AMMECR1: variants seen among roughly 807,000 people sequenced by gnomAD.
AMMECR1 encodes nuclear protein AMMECR1.
AMMECR1 carries 3 observed loss-of-function variants against 22.5 expected under a neutral mutation model. That is an observed-to-expected ratio of 0.13 (90% confidence interval 0.06 to 0.35). The LOEUF is 0.35. AMMECR1 is among the 10% of genes least tolerant of loss of function. AMMECR1 has a pLI of 1.00. For synonymous variants in AMMECR1, 130 were observed against 116.7 expected (o/e 1.11, Z -0.74); for missense variants, 235 against 278.7 (o/e 0.84, Z 1.12).
chrX:110,380,240 G>A (rs1398760102), intron 2 of AMMECR1, among the ~76,000 whole-genome samples: 1 of 112,019 alleles, frequency 8.9e-6, no homozygotes, highest in Non-Finnish European at 1.9e-5. Context: ...AAAAGGATTA[G>A]AAACTTGAAC....
chrX:110,352,219 A>G (rs902486809), intron 2 of AMMECR1, among the ~76,000 whole-genome samples: 5 of 112,242 alleles, frequency 4.5e-5, no homozygotes, highest in African/African-American at 1.3e-4. Context: ...ATTCCTAGGC[A>G]TATACCCAAG....
intron 3 of AMMECR1, among the ~76,000 whole-genome samples, chrX:110,205,802 A>G (rs1452376253): frequency 1.8e-5 from 2 of 111,812 alleles, no homozygotes. Context: ...ATCAACCCCA[A>G]TGGTAGTAAA....
chrX:110,437,723 G>T (rs1165549485), intron 1 of AMMECR1, among the ~76,000 whole-genome samples: 3 of 111,491 alleles, frequency 2.7e-5, no homozygotes, highest in Non-Finnish European at 3.8e-5. Flanking sequence ...TGGGAAGGGG[G>T]TCTCAAAAGT....
chrX:110,296,896 C>G (rs1336356312), intron 1 of AMMECR1, among the ~76,000 whole-genome samples: 1 of 110,631 alleles, frequency 9.0e-6, no homozygotes, highest in East Asian at 2.8e-4. Context: ...GACTGCTTAC[C>G]TCCCTGAATT....
chrX:110,348,239 G>A (rs1244950492), intron 2 of AMMECR1, among the ~76,000 whole-genome samples: 1 of 111,705 alleles, frequency 9.0e-6, no homozygotes, highest in African/African-American at 3.3e-5. Flanking sequence ...GGCTTTTGTT[G>A]AACTTACTGA....
intron 2 of AMMECR1, among the ~76,000 whole-genome samples, chrX:110,235,393 T>G (rs750560683): frequency 1.6e-4 from 18 of 112,466 alleles, no homozygotes; most frequent in Non-Finnish European, 3.4e-4. Context: ...GGAGTATAAA[T>G]TGGTTCAACC....
At chrX:110,238,570 C>G (rs2067613895) in intron 2 of AMMECR1, among the ~76,000 whole-genome samples, 1 of 112,276 alleles carries the variant, frequency 8.9e-6, no homozygotes, top group Non-Finnish European at 1.9e-5. Context: ...AGATAAAAAT[C>G]CTATCTCCCT....
At chrX:110,370,472 G>T (rs957133422) in intron 2 of AMMECR1, among the ~76,000 whole-genome samples, 2 of 112,469 alleles carry the variant, frequency 1.8e-5, no homozygotes, top group Non-Finnish European at 3.8e-5. Flanking sequence ...GCCTCCCAAA[G>T]TGCTGGGATT....
chrX:110,230,009 G>A (rs1279805764), intron 2 of AMMECR1, among the ~76,000 whole-genome samples: 2 of 112,914 alleles, frequency 1.8e-5, no homozygotes, highest in Admixed American at 1.9e-4. Flanking sequence ...CAGGAAGCTC[G>A]AACTGGGCGG....
chrX:110,265,777 G>A (rs921628303), intron 1 of AMMECR1, among the ~76,000 whole-genome samples: 1 of 111,624 alleles, frequency 9.0e-6, no homozygotes, highest in African/African-American at 3.3e-5. Context: ...TAATACACTG[G>A]TGAGTTGGAG....
chrX:110,418,743 C>T (rs990554145), intron 2 of AMMECR1, among the ~76,000 whole-genome samples: 1 of 111,800 alleles, frequency 8.9e-6, no homozygotes, highest in Admixed American at 9.5e-5. Flanking sequence ...ACCTGATATT[C>T]CTGATCCTCC....
intron 1 of AMMECR1, among the ~76,000 whole-genome samples, chrX:110,313,413 CGCA>C (rs1193511118): frequency 8.9e-6 from 1 of 112,127 alleles, no homozygotes; most frequent in Non-Finnish European, 1.9e-5. Context: ...TAACGTGACA[CGCA>C]GCAGCATTAA....
At chrX:110,298,882 T>C (rs1245153479) in intron 1 of AMMECR1, among the ~76,000 whole-genome samples, 1 of 112,148 alleles carries the variant, frequency 8.9e-6, no homozygotes, top group East Asian at 2.8e-4. Context: ...TAAACATATA[T>C]AACACAATAC....
At chrX:110,367,973 AATTATTATTATTATTATTATTATT>A in intron 2 of AMMECR1, among the ~76,000 whole-genome samples, 1 of 85,326 alleles carries the variant, frequency 1.2e-5, no homozygotes, top group Admixed American at 1.4e-4. Context: ...AGTGCTGGCT[AATTATTATTATTATTATTATTATT>A]ATTATTATTA....
intron 1 of AMMECR1, among the ~76,000 whole-genome samples, chrX:110,279,080 C>T (rs983087613): frequency 2.7e-5 from 3 of 112,095 alleles, no homozygotes; most frequent in Admixed American, 1.9e-4. Context: ...TCCTTCTTGG[C>T]ATTAAATACT....
In AMMECR1 at chrX:110,202,435, A is replaced by T; in HGVS notation, c.790+11T>A. On this transcript the variant is annotated intron_variant, in intron 4 of 5. Coordinates refer to ENST00000262844, the MANE Select transcript of AMMECR1 (RefSeq NM_015365.3). The stretch of plus-strand genomic sequence containing the variant: ...TTCACCAGATCATATGAAATAAAGT[A>T]CAACAATGACCTTGCTCCTTTGCAA... The T allele has an allele frequency of 8.5e-7, 1 of 1,179,870 alleles. No individual in the cohort carries two copies. Among genetic ancestry groups the T allele is most frequent in the African/African-American group, 1.8e-5 (1 of 57,061 alleles).
intron 2 of AMMECR1, among the ~76,000 whole-genome samples, chrX:110,374,391 T>C (rs958664430): frequency 8.9e-6 from 1 of 112,134 alleles, no homozygotes; most frequent in Non-Finnish European, 1.9e-5. Flanking sequence ...AGTCTAGTAG[T>C]ATTTCTCTCA....
intron 2 of AMMECR1, among the ~76,000 whole-genome samples, chrX:110,256,450 T>C (rs1008153841): frequency 9.0e-5 from 10 of 111,587 alleles, no homozygotes; most frequent in African/African-American, 2.9e-4. Context: ...GTCTATTTTG[T>C]TATATAAATA....
At chrX:110,266,575 G>A (rs1194919320) in intron 1 of AMMECR1, among the ~76,000 whole-genome samples, 3 of 110,063 alleles carry the variant, frequency 2.7e-5, no homozygotes, top group African/African-American at 6.6e-5. Flanking sequence ...TAGAGACGGG[G>A]TTTCACCATG....
Sources: allele counts gnomAD v4.1 joint callset (sites outside exome capture counted in the v4.1 genomes callset), GRCh38; gene constraint gnomAD v4.1.1; transcripts MANE v1.5; gene names NCBI Gene and HGNC (gene_info 2026-07-23, HGNC 2026-07-21).